The following STYXL1 variants were observed in gnomAD, a reference collection of about 807,000 sequenced individuals.
STYXL1 encodes the protein serine/threonine/tyrosine-interacting-like protein 1.
Under a neutral mutation model 36.4 loss-of-function variants are expected in STYXL1, and 32 were observed. The observed-to-expected ratio is 0.88, with a 90% CI of 0.66 to 1.18. The LOEUF (loss-of-function observed/expected upper bound fraction) is 1.18, where lower values mean the gene tolerates loss of function less well. Among genes scored for constraint, STYXL1 ranks in the 50% most tolerant of loss-of-function variants. The pLI is 0.00. For missense variants in STYXL1, 354 were observed against 394.1 expected (o/e 0.90, Z 0.86); for synonymous variants, 133 against 144.1 (o/e 0.92, Z 0.55).
At chr7:76,019,226 T>G (rs1473153611) in intron 4 of STYXL1, among the ~76,000 whole-genome samples, 1 of 151,954 alleles carries the variant, frequency 6.6e-6, no homozygotes, top group Non-Finnish European at 1.5e-5. Flanking sequence ...TGTGGCAGAC[T>G]TCAGAGAGCC....
intron 6 of STYXL1, among the ~76,000 whole-genome samples, chr7:76,004,560 C>T (rs1486352514): frequency 6.6e-6 from 1 of 151,994 alleles, no homozygotes; most frequent in Non-Finnish European, 1.5e-5. Flanking sequence ...CAAAAATTAG[C>T]CGGGTATGAT....
At chr7:75,996,723 G>T in intron 8 of STYXL1, 124 bp from the exon 9 acceptor site, 1 of 912,316 alleles carries the variant, frequency 1.1e-6, no homozygotes, top group South Asian at 1.6e-5. Flanking sequence ...TTAAGGGCTG[G>T]ATGCAGAAAC....
intron 2 of STYXL1, among the ~76,000 whole-genome samples, chr7:76,028,918 G>A (rs980261762): frequency 1.3e-5 from 2 of 152,082 alleles, no homozygotes; most frequent in Non-Finnish European, 2.9e-5. Context: ...TGAGCCAGGA[G>A]TTCAAGACCA....
chr7:76,033,680 C>G (rs527710026), intron 1 of STYXL1, among the ~76,000 whole-genome samples: 78 of 152,194 alleles, frequency 5.1e-4, no homozygotes, highest in Non-Finnish European at 7.6e-4. Context: ...ACAGCATCAT[C>G]AGTTTCAGCC....
At chr7:76,040,533 T>TA (rs1388760162) in intron 1 of STYXL1, among the ~76,000 whole-genome samples, 4 of 152,046 alleles carry the variant, frequency 2.6e-5, no homozygotes, top group African/African-American at 9.7e-5. Context: ...GAGGCCCAAA[T>TA]AAAAGTTAAA....
intron 8 of STYXL1, among the ~76,000 whole-genome samples, chr7:75,999,471 T>C (rs1285294868): frequency 5.3e-5 from 8 of 150,560 alleles, no homozygotes; most frequent in Admixed American, 3.3e-4. Flanking sequence ...TTTAAAATAG[T>C]TAAGATGGTA....
At chr7:76,042,979 G>C (rs1232924385) in intron 1 of STYXL1, among the ~76,000 whole-genome samples, 3 of 152,158 alleles carry the variant, frequency 2.0e-5, no homozygotes, top group African/African-American at 7.2e-5. Context: ...GCGTGAGGCT[G>C]GCGAGCTGTT....
Position 76,005,357 on chromosome 7 carries a change from C to G in STYXL1, c.501G>C (p.Lys167Asn). The G allele has an allele frequency of 6.2e-7, 1 of 1,613,428 alleles. No individual in the cohort carries two copies. The highest frequency in any genetic ancestry group is 8.5e-7 in the Non-Finnish European group (1 of 1,179,532). The change falls in exon 6 of 9, where the codon AAG (lysine) becomes AAC (asparagine). Residue 167 changes from lysine (K) to asparagine (N), a missense_variant. Coordinates refer to ENST00000359697, the MANE Select transcript of STYXL1 (RefSeq NM_001317785.2). ...QPYPIEIVPGKVFVGNFSQAC... is the reference protein window; with the variant it reads ...QPYPIEIVPGNVFVGNFSQAC... ...CTTGACTGAAATTGCCAACGAAGACCTTCCCTGGCACGATTTCAATGGGGT... is the reference window on the plus strand; with the variant it reads ...CTTGACTGAAATTGCCAACGAAGACGTTCCCTGGCACGATTTCAATGGGGT...
At chr7:76,045,007 A>G (rs2116544892) in intron 1 of STYXL1, 1 of 152,332 alleles carries the variant, frequency 6.6e-6, no homozygotes, top group East Asian at 1.9e-4. Context: ...AAAGGTCTAT[A>G]TGGACAACTC....
intron 8 of STYXL1, among the ~76,000 whole-genome samples, chr7:75,998,305 T>TC (rs1471361763): frequency 1.3e-5 from 2 of 151,272 alleles, no homozygotes; most frequent in Non-Finnish European, 3.0e-5. Flanking sequence ...CAAGCAATTT[T>TC]TTTTTTTTTT....
intron 6 of STYXL1, among the ~76,000 whole-genome samples, 189 bp from the exon 7 acceptor site, chr7:76,004,044 C>G (rs1791326589): frequency 6.6e-6 from 1 of 152,038 alleles, no homozygotes. Flanking sequence ...ATGAATAAGC[C>G]CAGTAATTTG....
chr7:76,029,985 C>T (rs112962015), intron 2 of STYXL1, among the ~76,000 whole-genome samples: 28,722 of 151,714 alleles, frequency 0.19, 3,012 homozygotes, highest in East Asian at 0.29. Flanking sequence ...TTGGGGGTTG[C>T]GGACTTCTTT....
At chr7:76,013,018 C>G (rs1009601178) in intron 5 of STYXL1, among the ~76,000 whole-genome samples, 10 of 152,300 alleles carry the variant, frequency 6.6e-5, no homozygotes, top group Non-Finnish European at 1.0e-4. Context: ...AACCCGACAG[C>G]CATCAGTTCC....
intron 5 of STYXL1, among the ~76,000 whole-genome samples, chr7:76,013,409 T>G (rs548282059): frequency 6.3e-4 from 91 of 144,106 alleles, no homozygotes; most frequent in South Asian, 1.6e-3. Context: ...CCAGATCTAG[T>G]TTTTTTTTTG....
Position 76,033,010 on chromosome 7 carries a change from T to C in STYXL1, c.-4-2483A>G, listed in dbSNP as rs1016380231. 1.4e-4 allele frequency among the ~76,000 whole-genome samples: 21 copies of C among 152,290 alleles called. No homozygotes were observed. The East Asian group carries it at 1.9e-3, about 14-fold the overall frequency. On this transcript the variant is annotated intron_variant, in intron 1 of 8. Coordinates refer to ENST00000359697, the MANE Select transcript of STYXL1 (RefSeq NM_001317785.2). ...ACGTTAAGGATCCCGACAGTCATTG[T>C]TGGGTGGAGAATCACTGATGTGTCC...
intron 1 of STYXL1, among the ~76,000 whole-genome samples, chr7:76,033,172 G>T (rs776753995): frequency 3.4e-4 from 51 of 152,114 alleles, no homozygotes; most frequent in Admixed American, 1.2e-3. Flanking sequence ...TTGAGACAGG[G>T]TCTTTTTCTG....
chr7:76,013,481 G>A (rs1296428833), intron 5 of STYXL1, among the ~76,000 whole-genome samples: 1 of 151,766 alleles, frequency 6.6e-6, no homozygotes, highest in East Asian at 2.0e-4. Context: ...CTGGAGTACA[G>A]TGGCATGATC....
intron 7 of STYXL1, among the ~76,000 whole-genome samples, chr7:76,003,292 A>G (rs782579594): frequency 6.6e-6 from 1 of 152,196 alleles, no homozygotes. Context: ...AACAAACAAA[A>G]ACAAAGAAAA....
chr7:76,010,550 C>A (rs1792432283), intron 5 of STYXL1, among the ~76,000 whole-genome samples: 1 of 152,088 alleles, frequency 6.6e-6, no homozygotes, highest in African/African-American at 2.4e-5. Flanking sequence ...ATCCTCAGCC[C>A]CAGAAGGAGC....
Sources: gnomAD v4.1 joint callset for allele counts (sites outside exome capture counted in the v4.1 genomes callset) on GRCh38, gnomAD v4.1.1 for gene constraint, MANE v1.5 for transcripts, NCBI Gene and HGNC (gene_info 2026-07-23, HGNC 2026-07-21) for gene names.